VPS37D: variants seen among roughly 807,000 people sequenced by gnomAD.
VPS37D encodes the protein VPS37D subunit of ESCRT-I, also known as vacuolar protein sorting-associated protein 37D.
A neutral mutation model predicts 22.0 loss-of-function variants in VPS37D; 5 were observed. That is an observed-to-expected ratio of 0.23 (90% CI 0.12 to 0.48). The LOEUF is 0.48. VPS37D is among the 20% of genes least tolerant of loss of function. The pLI, the probability that VPS37D is intolerant of heterozygous loss-of-function variation, is 0.99. For synonymous variants in VPS37D, 174 were observed against 159.3 expected (o/e 1.09, Z -0.69); for missense variants, 384 against 345.8 (o/e 1.11, Z -0.88).
Position 73,671,071 on chromosome 7 carries a change from T to C in VPS37D, c.451T>C (p.Phe151Leu). ...AAGCCTGGAGGCCTTCCTGCCTGCC[T>C]TCCAGCGTGGCCGCGCCCTGGCCCA... ...EQSLEAFLPA[F>L]QRGRALAHLR... is the part of the protein sequence containing the mutation. Residue 151 changes from phenylalanine (F) to leucine (L), a missense_variant, in exon 4 of 4, where the codon TTC becomes CTC. By Grantham distance (22) the Phe-to-Leu change is conservative. Transcript: ENST00000324941. The C allele has an allele frequency of 6.2e-7, 1 of 1,611,970 alleles. No individual in the cohort carries two copies. The highest frequency in any genetic ancestry group is 8.5e-7 in the Non-Finnish European group (1 of 1,179,726).
At chr7:73,669,070 C>T (rs1372388767) in intron 1 of VPS37D, among the ~76,000 whole-genome samples, 1 of 152,202 alleles carries the variant, frequency 6.6e-6, no homozygotes, top group East Asian at 1.9e-4. Flanking sequence ...GGGCACTCCT[C>T]CGGGACCTGA....
Position 73,669,576 on chromosome 7 carries a change from A to G in VPS37D, c.296A>G (p.Lys99Arg). Residue 99 changes from lysine to arginine, a missense_variant, in exon 2 of 4, where the codon AAG becomes AGG. Lys to Arg is a conservative substitution (Grantham distance 26, BLOSUM62 2). Transcript: ENST00000324941. ...GAGGTGGCCGAGAACTGCGCGGACA[A>G]GCTGCAGCGACTGGGTGAGGGCACG... ...LREVAENCAD[K>R]LQRLEESMHR... The G allele has an allele frequency of 1.9e-6, 3 of 1,590,792 alleles. No individual in the cohort carries two copies. The highest frequency in any genetic ancestry group is 2.6e-6 in the Non-Finnish European group (3 of 1,168,410).
chr7:73,667,801 T>G, upstream of VPS37D: 3 of 172,034 alleles, frequency 1.7e-5, no homozygotes, highest in East Asian at 1.9e-4. Context: ...CGCGGCTCCT[T>G]TAAGAGCGGG....
intron 1 of VPS37D, 70 bp downstream of exon 1, chr7:73,668,166 A>T: frequency 8.2e-6 from 8 of 976,278 alleles, no homozygotes; most frequent in Non-Finnish European, 1.0e-5. Context: ...CGCTCGAGGG[A>T]AGGGCCGCGC....
rs782806222 is a variant in VPS37D, at chr7:73,671,317, C to A, written c.697C>A (p.Leu233Ile). The change falls in exon 4 of 4, where the codon CTC becomes ATC. Residue 233 changes from leucine (L) to isoleucine (I), a missense_variant. By Grantham distance (5) the Leu-to-Ile change is conservative. Coordinates refer to ENST00000324941, the MANE Select transcript of VPS37D (RefSeq NM_001077621.2). ...ACTGAAGGGCTCCCCCGGGTGCCCC[C>A]TCGGCCCGGCCCCCCTGCTGAGCCC... is the stretch of plus-strand genomic sequence containing the variant. The part of the protein sequence containing the change: ...PPLKGSPGCP[L>I]GPAPLLSPRP... 2 of 1,381,436 alleles carry A rather than the reference C, an allele frequency of 1.4e-6. No homozygotes were observed. Among genetic ancestry groups the A allele is most frequent in the Non-Finnish European group, 1.9e-6 (2 of 1,062,720 alleles). The allele number at this position is 1,381,436 out of a possible 1,614,324, so 85.6% of individuals were successfully genotyped here.
At chr7:73,665,998 G>A (rs534562635), upstream of VPS37D, among the ~76,000 whole-genome samples, 6 of 152,150 alleles carry the variant, frequency 3.9e-5, no homozygotes, top group African/African-American at 9.6e-5. Context: ...CTACAGGCAC[G>A]AACCACCACG....
chr7:73,670,863 T>G, intron 3 of VPS37D, 151 bp from the exon 4 acceptor site: 1 of 1,095,700 alleles, frequency 9.1e-7, no homozygotes, highest in Non-Finnish European at 1.3e-6. Context: ...TAGCAAGTAA[T>G]CGGAGGCAGG....
intron 3 of VPS37D, 100 bp from the exon 4 acceptor site, chr7:73,670,914 G>A: frequency 6.7e-7 from 1 of 1,490,716 alleles, no homozygotes; most frequent in Non-Finnish European, 9.0e-7. Flanking sequence ...CAGCTGAGGG[G>A]TGATCACCAT....
At position 73,671,034 on chromosome 7, in the gene VPS37D, G is replaced by C. The variant is rs1554609602; in HGVS notation, c.414G>C (p.Leu138=). The change falls in exon 4 of 4, where the codon CTG becomes CTC. Residue 138 remains leucine, a synonymous_variant. Transcript: ENST00000324941. ...CCCAGGAGCAGATGGAGCAGCTGCT[G>C]CTCGGGGAGCAAAGCCTGGAGGCCT... The part of the protein sequence containing the change: ...QEAEEQMEQL[L]LGEQSLEAFL... The C allele has an allele frequency of 3.7e-6, 6 of 1,612,334 alleles. No individual in the cohort carries two copies. The highest frequency in any genetic ancestry group is 1.1e-5 in the South Asian group (1 of 91,054).
chr7:73,670,134 A>T (rs1797474395), intron 3 of VPS37D, 32 bp downstream of exon 3: 2 of 1,549,540 alleles, frequency 1.3e-6, no homozygotes, highest in Admixed American at 2.0e-5. Flanking sequence ...GCTGGGGGCC[A>T]GGAGGGAGAC....
chr7:73,671,439 T>A lies in VPS37D; in HGVS notation c.*63T>A. On this transcript the variant is annotated 3_prime_UTR_variant, in exon 4 of 4. Coordinates refer to ENST00000324941, the MANE Select transcript of VPS37D (RefSeq NM_001077621.2). ...AAACTTGATGCGTGGCTCCTCCTCCTCCCCCACTGCCTGGGTGGGGGGAGG... is the reference window on the plus strand; with the variant it reads ...AAACTTGATGCGTGGCTCCTCCTCCACCCCCACTGCCTGGGTGGGGGGAGG... 1.1e-6 allele frequency: 1 copy of A among 901,212 alleles called. No individual in the cohort carries two copies. Among genetic ancestry groups the A allele is most frequent in the Non-Finnish European group, 1.5e-6 (1 of 668,798 alleles). 55.8% of individuals were successfully genotyped at this position (901,212 alleles called of 1,614,324 possible). A position where few individuals can be genotyped will look rare whatever the true frequency, so the allele number is the denominator to read the frequency against.
At chr7:73,665,355 A>G (rs962037854), upstream of VPS37D, among the ~76,000 whole-genome samples, 3 of 150,970 alleles carry the variant, frequency 2.0e-5, no homozygotes, top group Non-Finnish European at 4.4e-5. Context: ...CTGAGATCAC[A>G]CCACTGACTC....
Position 73,668,004 on chromosome 7 carries a change from C to G in VPS37D, c.46C>G (p.Pro16Ala). ...AARAGPEPGS[P>A]GRFGILSTGQ... The stretch of plus-strand genomic sequence containing the variant: ...GCGGGCGGGGCCGGAGCCCGGCAGC[C>G]CGGGGCGCTTTGGGATCCTCAGCAC... Residue 16 changes from proline (P) to alanine (A), a missense_variant, in exon 1 of 4, where the codon CCG (proline) becomes GCG (alanine). Pro to Ala is a conservative substitution (Grantham distance 27, BLOSUM62 -1). Coordinates refer to ENST00000324941, the MANE Select transcript of VPS37D (RefSeq NM_001077621.2). 8.9e-7 allele frequency: 1 copy of G among 1,121,942 alleles called. No homozygotes were observed. The highest frequency in any genetic ancestry group is 5.6e-5 in the East Asian group (1 of 17,702). The allele number at this position is 1,121,942 out of a possible 1,614,324, so 69.5% of individuals were successfully genotyped here.
rs1161317694 is a variant in VPS37D at position 73,671,295 on chromosome 7, G to A, written c.675G>A (p.Leu225=). Residue 225 remains leucine, a synonymous_variant, in exon 4 of 4, where the codon CTG becomes CTA. Transcript: ENST00000324941. ...TGGACTCCCGCCCAGTGCCCCCACT[G>A]AAGGGCTCCCCCGGGTGCCCCCTCG... is the stretch of plus-strand genomic sequence containing the variant. The part of the protein sequence containing the change: ...PPLDSRPVPP[L]KGSPGCPLGP... 23 of 1,419,902 alleles carry A rather than the reference G, an allele frequency of 1.6e-5. No individual in the cohort carries two copies. The African/African-American group carries it at 3.3e-4, about 20-fold the overall frequency. 88.0% of individuals were successfully genotyped at this position (1,419,902 alleles called of 1,614,324 possible).
intron 1 of VPS37D, among the ~76,000 whole-genome samples, 164 bp downstream of exon 1, chr7:73,668,260 G>C (rs1414314920): frequency 6.6e-6 from 1 of 151,340 alleles, no homozygotes; most frequent in African/African-American, 2.4e-5. Flanking sequence ...GGGAGGGGGC[G>C]CTTGGAGCTG....
Position 73,669,474 on chromosome 7 carries a change from C to T in VPS37D, c.194C>T (p.Ala65Val). The change falls in exon 2 of 4, where the codon GCC becomes GTC. Residue 65 changes from alanine to valine, a missense_variant. By Grantham distance (64) the Ala-to-Val change is moderately conservative. Transcript: ENST00000324941. ...TGCCTGGCCTCCAACTACGCGCTGGCCAAGGAGAACCTGGCCCTGCGGCCC... is the reference window on the plus strand; with the variant it reads ...TGCCTGGCCTCCAACTACGCGCTGGTCAAGGAGAACCTGGCCCTGCGGCCC... ...EACLASNYAL[A>V]KENLALRPRL... The T allele has an allele frequency of 6.3e-7, 1 of 1,582,186 alleles. No individual in the cohort carries two copies. Among genetic ancestry groups the T allele is most frequent in the East Asian group, 2.3e-5 (1 of 43,102 alleles).
intron 1 of VPS37D, 110 bp downstream of exon 1, chr7:73,668,206 C>T (rs1797425935): frequency 1.6e-6 from 1 of 623,562 alleles, no homozygotes; most frequent in Middle Eastern, 7.5e-4. Flanking sequence ...CCCGTGGGCG[C>T]GGAGCCTGGC....
chr7:73,670,837 T>A (rs2116631506), intron 3 of VPS37D, among the ~76,000 whole-genome samples, 177 bp from the exon 4 acceptor site: 1 of 150,562 alleles, frequency 6.6e-6, no homozygotes, highest in East Asian at 1.9e-4. Context: ...GGGAGGACAT[T>A]TGTCCACAGT....
intron 2 of VPS37D, 89 bp downstream of exon 2, chr7:73,669,679 G>A: frequency 1.4e-6 from 2 of 1,475,528 alleles, no homozygotes; most frequent in Non-Finnish European, 1.8e-6. Flanking sequence ...AGGCTCTGAT[G>A]GATGGGAGTT....
Sources: allele counts gnomAD v4.1 joint callset (sites outside exome capture counted in the v4.1 genomes callset), GRCh38; gene constraint gnomAD v4.1.1; transcripts MANE v1.5; gene names NCBI Gene and HGNC (gene_info 2026-07-23, HGNC 2026-07-21).